The following RBM6 variants were observed in gnomAD, a reference collection of about 807,000 sequenced individuals.
RBM6 encodes the protein RNA-binding protein 6.
RBM6 carries 23 observed loss-of-function variants against 140.4 expected under a neutral mutation model. That is an observed-to-expected ratio of 0.16 (90% CI 0.12 to 0.23). The LOEUF (loss-of-function observed/expected upper bound fraction) is 0.23, where lower values mean the gene tolerates loss of function less well. RBM6 is among the 10% of genes least tolerant of loss of function. The pLI, the probability that RBM6 is intolerant of heterozygous loss-of-function variation, is 1.00. For missense variants in RBM6, 1,139 were observed against 1,386.7 expected (o/e 0.82, Z 2.84); for synonymous variants, 439 against 475.6 (o/e 0.92, Z 1.00).
rs113648550 is a variant in RBM6 at position 50,002,316 on chromosome 3, C to T, written c.1557+2803C>T. Among the ~76,000 whole-genome samples the T allele has an allele frequency of 5.3e-5, 8 of 149,784 alleles. 2 individuals carry two copies. Among genetic ancestry groups the T allele is most frequent in the African/African-American group, 1.7e-4 (7 of 40,552 alleles). On this transcript the variant is annotated intron_variant, in intron 6 of 20. Coordinates refer to ENST00000266022, the MANE Select transcript of RBM6 (RefSeq NM_005777.3). ...TCGCTCTGTTGCCCAGGCTGGAGTGCGGTGGCACGATCTCAGCTCATTGCA... is the reference window on the plus strand; with the variant it reads ...TCGCTCTGTTGCCCAGGCTGGAGTGTGGTGGCACGATCTCAGCTCATTGCA...
intron 8 of RBM6, among the ~76,000 whole-genome samples, chr3:50,057,524 G>T (rs1241097573): frequency 7.3e-6 from 1 of 136,708 alleles, no homozygotes; most frequent in East Asian, 2.3e-4. Flanking sequence ...GGAGGCAGAG[G>T]TTGCAGTGAG....
At chr3:50,004,306 TC>T (rs1553648476) in intron 6 of RBM6, among the ~76,000 whole-genome samples, 10 of 43,704 alleles carry the variant, frequency 2.3e-4, no homozygotes, top group Non-Finnish European at 3.3e-4. Flanking sequence ...TTTTCTCCCC[TC>T]CCCCCCCTCC....
At chr3:49,970,356 A>G (rs2084733879) in intron 3 of RBM6, among the ~76,000 whole-genome samples, 1 of 152,184 alleles carries the variant, frequency 6.6e-6, no homozygotes, top group Admixed American at 6.5e-5. Flanking sequence ...CTGGGATTAC[A>G]GCAATGAGCC....
intron 3 of RBM6, among the ~76,000 whole-genome samples, chr3:49,969,821 T>G (rs888239859): frequency 4.6e-5 from 7 of 151,954 alleles, no homozygotes; most frequent in Non-Finnish European, 1.0e-4. Flanking sequence ...CAGGCTGAAG[T>G]GCAGTTGTGC....
intron 19 of RBM6, among the ~76,000 whole-genome samples, chr3:50,071,252 A>T (rs111844308): frequency 0.02 from 3,113 of 152,284 alleles, 64 homozygotes; most frequent in Middle Eastern, 0.092. Context: ...CACTGCAGGT[A>T]TATTGTTGAG....
At position 50,058,443 on chromosome 3, in the gene RBM6, G is replaced by A. The variant is rs1208987791; in HGVS notation, c.2011G>A (p.Val671Met). The A allele has an allele frequency of 6.2e-7, 1 of 1,609,740 alleles. No homozygotes were observed. ...TATCTATCGTTCCACACCACCTGAGGTGATAGTGGAAGTGCTGGAGCCCTA... is the reference window on the plus strand; with the variant it reads ...TATCTATCGTTCCACACCACCTGAGATGATAGTGGAAGTGCTGGAGCCCTA... Reference protein sequence around the residue: ...KRIYRSTPPEVIVEVLEPYVR... With the variant: ...KRIYRSTPPEMIVEVLEPYVR... Residue 671 changes from valine to methionine, a missense_variant, in exon 10 of 21, where the codon GTG becomes ATG. Coordinates refer to ENST00000266022, the MANE Select transcript of RBM6 (RefSeq NM_005777.3).
chr3:49,959,909 A>T (rs922179168), intron 1 of RBM6, among the ~76,000 whole-genome samples: 1 of 152,116 alleles, frequency 6.6e-6, no homozygotes, highest in African/African-American at 2.4e-5. Flanking sequence ...CTTGGCATTC[A>T]TATGGCTTTC....
rs372420844 is a variant in RBM6, at chr3:50,018,634, C to CACCA, written c.1557+19121_1557+19122insACCA. Among the ~76,000 whole-genome samples, 508 of 128,332 alleles carry CACCA rather than the reference C, an allele frequency of 4.0e-3. 3 individuals carry two copies. Among genetic ancestry groups the CACCA allele is most frequent in the African/African-American group, 0.014 (483 of 33,814 alleles). The allele number at this position is 128,332 out of a possible 152,430, so 84.2% of individuals were successfully genotyped here. A position where few individuals can be genotyped will look rare whatever the true frequency, so the allele number is the denominator to read the frequency against. ...TTTGACACGGAGCCTTGCTCTGTCA[C>CACCA]CAGCTGGAGTGCAGTGGTGCGATCT... On this transcript the variant is annotated intron_variant, in intron 6 of 20. Transcript: ENST00000266022.
In RBM6 at chr3:50,021,218, G is replaced by A. The variant is rs143720770; in HGVS notation, c.1557+21705G>A. On this transcript the variant is annotated intron_variant, in intron 6 of 20. Transcript: ENST00000266022. The stretch of plus-strand genomic sequence containing the variant: ...TAGATTGCTGCTGTTATTTTGATGC[G>A]TATCCTTCCAGATTTTTCTATGCAT... Among the ~76,000 whole-genome samples the A allele has an allele frequency of 2.5e-3, 377 of 152,124 alleles. 3 individuals are homozygous for A. The highest frequency in any genetic ancestry group is 6.8e-3 in the African/African-American group (284 of 41,502).
chr3:50,045,722 G>A (rs1575798256), intron 6 of RBM6, among the ~76,000 whole-genome samples: 1 of 152,162 alleles, frequency 6.6e-6, no homozygotes, highest in Non-Finnish European at 1.5e-5. Context: ...GGTCTTTTTT[G>A]GTTCCTAGGG....
At chr3:50,024,442 C>G (rs2087684587) in intron 6 of RBM6, among the ~76,000 whole-genome samples, 1 of 151,902 alleles carries the variant, frequency 6.6e-6, no homozygotes, top group African/African-American at 2.4e-5. Flanking sequence ...TTCATCCCTC[C>G]CACAGGTAGT....
chr3:49,954,904 G>T (rs1041712259), intron 1 of RBM6, among the ~76,000 whole-genome samples: 34 of 151,718 alleles, frequency 2.2e-4, no homozygotes, highest in African/African-American at 8.0e-4. Flanking sequence ...GACTGCAGGC[G>T]CACACTGCCA....
At chr3:50,063,168 CAG>C (rs2090004296) in intron 15 of RBM6, among the ~76,000 whole-genome samples, 1 of 152,122 alleles carries the variant, frequency 6.6e-6, no homozygotes, top group Non-Finnish European at 1.5e-5. Context: ...GCTTCAGTTA[CAG>C]GCAAGACCCA....
intron 4 of RBM6, among the ~76,000 whole-genome samples, chr3:49,972,384 A>G (rs1032276716): frequency 4.6e-5 from 7 of 152,160 alleles, no homozygotes; most frequent in Non-Finnish European, 1.0e-4. Flanking sequence ...CCATTTATAC[A>G]TGCACTCACT....
chr3:49,992,672 TTG>T (rs2108713119), intron 5 of RBM6, among the ~76,000 whole-genome samples: 2 of 152,356 alleles, frequency 1.3e-5, no homozygotes, highest in East Asian at 3.9e-4. Context: ...GCTACTTTTC[TTG>T]TGTGTTATTC....
chr3:49,972,766 G>A (rs1274705492), intron 4 of RBM6, among the ~76,000 whole-genome samples: 1 of 152,100 alleles, frequency 6.6e-6, no homozygotes, highest in Non-Finnish European at 1.5e-5. Context: ...GCAAGCAAAA[G>A]GATTACACAA....
At chr3:49,946,990 A>G (rs1462368506) in intron 1 of RBM6, among the ~76,000 whole-genome samples, 2 of 148,228 alleles carry the variant, frequency 1.3e-5, no homozygotes, top group African/African-American at 5.0e-5. Context: ...TCTCTTTTGG[A>G]GAAGTATCTA....
chr3:49,984,582 C>T (rs985214649), intron 5 of RBM6, among the ~76,000 whole-genome samples: 2 of 147,452 alleles, frequency 1.4e-5, no homozygotes, highest in African/African-American at 2.6e-5. Flanking sequence ...CCCTGTCTAA[C>T]GTGACATCAC....
Position 49,953,064 on chromosome 3 carries a change from C to CTT in RBM6, c.-66-9504_-66-9503dup, listed in dbSNP as rs71080562. On this transcript the variant is annotated intron_variant, in intron 1 of 20. Transcript: ENST00000266022. ...TGCGCAGCTTACCTTTTCTTCTTTT[C>CTT]TTTTTTTTTGAGGCAGGGTCTTGCT... Among the ~76,000 whole-genome samples the CTT allele has an allele frequency of 9.7e-4, 147 of 150,810 alleles. 1 individual carries two copies. Among genetic ancestry groups the CTT allele is most frequent in the East Asian group, 8.9e-3 (45 of 5,074 alleles).
Sources: allele counts gnomAD v4.1 joint callset (sites outside exome capture counted in the v4.1 genomes callset), GRCh38; gene constraint gnomAD v4.1.1; transcripts MANE v1.5; gene names NCBI Gene and HGNC (gene_info 2026-07-23, HGNC 2026-07-21).